Variants in CEP192 observed in about 807,000 individuals in gnomAD.
The protein encoded by CEP192 is centrosomal protein of 192 kDa.
CEP192 carries 151 observed loss-of-function variants against 271.8 expected under a neutral mutation model. The ratio of observed to expected loss-of-function variants is 0.56; its 90% CI spans 0.49 to 0.64. CEP192 has a LOEUF of 0.64. Ranked by LOEUF, CEP192 falls within the 30% of genes least tolerant of loss-of-function variation. The pLI is 0.00. For synonymous variants in CEP192, 995 were observed against 1,076.5 expected, an observed-to-expected ratio of 0.92 and a Z score of 1.48; for missense variants, 2,910 against 3,020.5, an observed-to-expected ratio of 0.96 and a Z score of 0.86.
chr18:13,072,886 G>C (rs1438179356), intron 29 of CEP192, 41 bp downstream of exon 29: 17 of 1,550,010 alleles, frequency 1.1e-5, no homozygotes, highest in Non-Finnish European at 1.5e-5. Context: ...CTTCTGTCTG[G>C]GTCTGGAACA....
chr18:13,114,296 A>G, intron 42 of CEP192, 45 bp downstream of exon 42: 1 of 1,599,802 alleles, frequency 6.3e-7, no homozygotes, highest in Non-Finnish European at 8.5e-7. Flanking sequence ...CCAGTACTTT[A>G]TTGAGGAATA....
chr18:13,065,952 A>C (rs1013552087), intron 21 of CEP192, among the ~76,000 whole-genome samples: 4 of 152,220 alleles, frequency 2.6e-5, no homozygotes, highest in African/African-American at 9.6e-5. Context: ...TGAATGGCCT[A>C]GTTAGTAAAC....
At chr18:13,000,752 C>G (rs1240734633) in intron 2 of CEP192, among the ~76,000 whole-genome samples, 1 of 152,210 alleles carries the variant, frequency 6.6e-6, no homozygotes, top group East Asian at 1.9e-4. Context: ...TTCAGGAGTT[C>G]GAGACCAGCC....
chr18:13,071,005 C>T (rs2037982669), intron 27 of CEP192, 34 bp from the exon 28 acceptor site: 2 of 1,574,338 alleles, frequency 1.3e-6, no homozygotes, highest in Non-Finnish European at 1.7e-6. Context: ...GAATTGAATA[C>T]AGGACCTTCA....
chr18:13,092,831 G>A (rs1033259362), intron 34 of CEP192, among the ~76,000 whole-genome samples: 1 of 152,192 alleles, frequency 6.6e-6, no homozygotes, highest in African/African-American at 2.4e-5. Flanking sequence ...TTTCAGGCAT[G>A]ATAACCAATT....
At chr18:13,052,747 C>T (rs1803872364) in intron 17 of CEP192, among the ~76,000 whole-genome samples, 172 bp from the exon 18 acceptor site, 1 of 152,154 alleles carries the variant, frequency 6.6e-6, no homozygotes, top group South Asian at 2.1e-4. Context: ...ACTAGTTTAA[C>T]AGATGCTTCA....
chr18:13,046,398 C>A (rs1004815912), intron 15 of CEP192, among the ~76,000 whole-genome samples: 5 of 152,220 alleles, frequency 3.3e-5, no homozygotes, highest in Non-Finnish European at 7.3e-5. Context: ...TTTCTACTTA[C>A]ACTTAATGGA....
rs1360724165 is a variant in CEP192, at chr18:13,003,263, AC to A, written c.290+1682del. Among the ~76,000 whole-genome samples the A allele has an allele frequency of 2.0e-5, 3 of 152,050 alleles. No homozygotes were observed. In the East Asian group the frequency reaches 5.8e-4, roughly 29 times the overall value. On this transcript the variant is annotated intron_variant, in intron 3 of 44. Transcript: ENST00000506447. ...CAGGAGTTCGAGACCAGCCTGGCCA[AC>A]ATGGTGAAATCCCATCTCTACCAAA...
In CEP192 at chr18:13,017,174, G is replaced by A. The variant is rs756337331; in HGVS notation, c.641-14G>A. ...TTTAAAGCATGTCCTGTTTTTTCTC[G>A]ATTTTATCAATAGATGATGATATTG... On this transcript the variant is annotated splice_polypyrimidine_tract_variant and intron_variant, in intron 6 of 44. Transcript: ENST00000506447. The A allele has an allele frequency of 1.4e-4, 213 of 1,518,806 alleles. No individual in the cohort carries two copies. Among genetic ancestry groups the A allele is most frequent in the Non-Finnish European group, 1.8e-4 (209 of 1,134,236 alleles). The allele number at this position is 1,518,806 out of a possible 1,614,324, so 94.1% of individuals were successfully genotyped here. A position where few individuals can be genotyped will look rare whatever the true frequency, so the allele number is the denominator to read the frequency against.
At chr18:13,016,956 G>A (rs956942585) in intron 6 of CEP192, among the ~76,000 whole-genome samples, 6 of 152,126 alleles carry the variant, frequency 3.9e-5, no homozygotes, top group African/African-American at 1.4e-4. Context: ...TAACATGCCA[G>A]GGTCTGTTTC....
At chr18:13,034,834 A>C (rs2035831228) in intron 11 of CEP192, among the ~76,000 whole-genome samples, 1 of 150,994 alleles carries the variant, frequency 6.6e-6, no homozygotes, top group African/African-American at 2.4e-5. Flanking sequence ...AAAAAAAAAA[A>C]AAAAGCCTGC....
In CEP192 at chr18:13,049,871, T is replaced by A. The variant is rs752482799; in HGVS notation, c.2997T>A (p.Ile999=). The A allele has an allele frequency of 8.7e-6, 14 of 1,614,036 alleles. No homozygotes were observed. In the East Asian group the frequency reaches 3.1e-4, roughly 36 times the overall value. ...SPLSHSSPSE[I]SGTSSSGCAL... is the part of the protein sequence containing the mutation. ...TGAGTCATTCTTCTCCTAGTGAAAT[T>A]TCTGGAACGAGTTCATCAGGGTAAG... The change falls in exon 17 of 45, where the codon ATT becomes ATA. Residue 999 remains isoleucine, a synonymous_variant. Coordinates refer to ENST00000506447, the MANE Select transcript of CEP192 (RefSeq NM_032142.4).
In CEP192 at chr18:13,019,162, A is replaced by G. The variant is rs2034837637; in HGVS notation, c.1006A>G (p.Lys336Glu). ...PFSSGTWGTE[K>E]EIENLKGIVP... ...TTCCTCTGGTACTTGGGGAACTGAG[A>G]AAGAAATAGAAAATTTGAAGGGTAT... The change falls in exon 9 of 45, where the codon AAA (lysine) becomes GAA (glutamate). Residue 336 changes from lysine to glutamate, a missense_variant. Transcript: ENST00000506447. 2 of 1,545,634 alleles carry G rather than the reference A, an allele frequency of 1.3e-6. No individual in the cohort carries two copies. Among genetic ancestry groups the G allele is most frequent in the South Asian group, 1.2e-5 (1 of 82,872 alleles).
At chr18:13,060,948 A>G (rs1444237308) in intron 21 of CEP192, among the ~76,000 whole-genome samples, 1 of 151,410 alleles carries the variant, frequency 6.6e-6, no homozygotes, top group African/African-American at 2.4e-5. Flanking sequence ...AAAATGAACT[A>G]ATTTCCTAAT....
At chr18:13,029,425 T>A (rs1408492417) in intron 9 of CEP192, among the ~76,000 whole-genome samples, 1 of 152,230 alleles carries the variant, frequency 6.6e-6, no homozygotes, top group East Asian at 1.9e-4. Flanking sequence ...TTTTGGTATG[T>A]AAATCTCTTG....
chr18:13,121,169 C>G (rs1409452139), intron 44 of CEP192, among the ~76,000 whole-genome samples: 1 of 152,208 alleles, frequency 6.6e-6, no homozygotes, highest in African/African-American at 2.4e-5. Flanking sequence ...CTTGCCTTGG[C>G]AGTGCAACAA....
chr18:13,049,034 A>G lies in CEP192; in HGVS notation c.2243A>G (p.Lys748Arg), dbSNP rs771893737. Residue 748 changes from lysine to arginine, a missense_variant, in exon 16 of 45, where the codon AAG becomes AGG. Transcript: ENST00000506447. ...GCACTTTCAAATAAAACCAGAGACA[A>G]GACTTTTCAGGAAGATGAGAAACAA... ...IKALSNKTRDKTFQEDEKQKD... is the reference protein window; with the variant it reads ...IKALSNKTRDRTFQEDEKQKD... 13 of 1,614,064 alleles carry G rather than the reference A, an allele frequency of 8.1e-6. No individual in the cohort carries two copies. The highest frequency in any genetic ancestry group is 1.3e-5 in the African/African-American group (1 of 74,932).
At chr18:13,026,111 G>A (rs2035284873) in intron 9 of CEP192, among the ~76,000 whole-genome samples, 1 of 152,140 alleles carries the variant, frequency 6.6e-6, no homozygotes, top group Admixed American at 6.5e-5. Flanking sequence ...ATGTTTGAAG[G>A]ATAATTTCTT....
At chr18:13,087,905 A>G (rs929077127) in intron 32 of CEP192, among the ~76,000 whole-genome samples, 2 of 152,168 alleles carry the variant, frequency 1.3e-5, no homozygotes, top group African/African-American at 2.4e-5. Context: ...TCCCTTACTC[A>G]GTAGGTGCAT....
Sources: gnomAD v4.1 joint callset for allele counts (sites outside exome capture counted in the v4.1 genomes callset) on GRCh38, gnomAD v4.1.1 for gene constraint, MANE v1.5 for transcripts, NCBI Gene and HGNC (gene_info 2026-07-23, HGNC 2026-07-21) for gene names.